Variants in CNPY1 observed in about 807,000 individuals in gnomAD.
CNPY1 encodes the protein canopy FGF signaling regulator 1, also known as protein canopy homolog 1.
In CNPY1, 14 loss-of-function variants were observed where a neutral mutation model predicts 14.4. The ratio of observed to expected loss-of-function variants is 0.97; its 90% CI spans 0.64 to 1.52. CNPY1 has a LOEUF of 1.52. Ranked by LOEUF, CNPY1 falls within the 40% of genes most tolerant of loss-of-function variation. The pLI, the probability that CNPY1 is intolerant of heterozygous loss-of-function variation, is 0.00. For synonymous variants in CNPY1, 43 were observed against 46.5 expected (o/e 0.92, Z 0.31); for missense variants, 129 against 131.5 (o/e 0.98, Z 0.09).
intron 2 of CNPY1, among the ~76,000 whole-genome samples, chr7:155,529,954 T>C (rs1052431018): frequency 6.6e-6 from 1 of 152,010 alleles, no homozygotes; most frequent in Non-Finnish European, 1.5e-5. Flanking sequence ...AGCTAATTTA[T>C]TGTATTTTTA....
chr7:155,510,883 C>T (rs1027112442), intron 2 of CNPY1, among the ~76,000 whole-genome samples: 1 of 152,160 alleles, frequency 6.6e-6, no homozygotes, highest in Non-Finnish European at 1.5e-5. Flanking sequence ...CTATAAAATG[C>T]AGAGGCAGAT....
chr7:155,532,251 T>G (rs1047695113), intron 2 of CNPY1, among the ~76,000 whole-genome samples: 3 of 152,234 alleles, frequency 2.0e-5, no homozygotes, highest in Non-Finnish European at 2.9e-5. Context: ...TGTGTGTCCC[T>G]GCAGGCTCTG....
intron 2 of CNPY1, among the ~76,000 whole-genome samples, chr7:155,527,216 T>C (rs1047853712): frequency 6.6e-6 from 1 of 151,394 alleles, no homozygotes; most frequent in Non-Finnish European, 1.5e-5. Context: ...CATGCCCAGC[T>C]AATTTTTGTA....
At chr7:155,512,410 A>G (rs1796547061) in intron 2 of CNPY1, among the ~76,000 whole-genome samples, 1 of 152,176 alleles carries the variant, frequency 6.6e-6, no homozygotes. Flanking sequence ...TCCTAAATGC[A>G]GTGCCTATTT....
chr7:155,511,454 C>T (rs978593583), intron 2 of CNPY1, among the ~76,000 whole-genome samples: 3 of 152,190 alleles, frequency 2.0e-5, no homozygotes, highest in Non-Finnish European at 4.4e-5. Flanking sequence ...TGATTTATTT[C>T]CTAGGTTGCA....
intron 2 of CNPY1, among the ~76,000 whole-genome samples, chr7:155,528,399 C>T (rs4716664): frequency 0.045 from 6,820 of 152,350 alleles, 486 homozygotes; most frequent in African/African-American, 0.15. Flanking sequence ...ACAATGCCAG[C>T]TCTCGGTCAT....
At position 155,524,331 on chromosome 7, in the gene CNPY1, G is replaced by A. The variant is rs569740694; in HGVS notation, c.100-15234C>T. Among the ~76,000 whole-genome samples the A allele has an allele frequency of 2.0e-5, 3 of 152,320 alleles. No homozygotes were observed. The East Asian group carries it at 5.8e-4, about 29-fold the overall frequency. On this transcript the variant is annotated intron_variant, in intron 2 of 4. Transcript: ENST00000636446. ...AAGAAGAACTTTCCTGTAAGGCAGGGGTCCTCAACCCCCAGGCCTTGGACC... is the reference window on the plus strand; with the variant it reads ...AAGAAGAACTTTCCTGTAAGGCAGGAGTCCTCAACCCCCAGGCCTTGGACC...
intron 2 of CNPY1, 132 bp from the exon 3 acceptor site, chr7:155,509,229 A>C (rs1055694318): frequency 3.6e-6 from 2 of 558,258 alleles, no homozygotes; most frequent in Non-Finnish European, 6.2e-6. Flanking sequence ...GCACGGGCCC[A>C]GAAGACGGTA....
intron 4 of CNPY1, among the ~76,000 whole-genome samples, chr7:155,505,679 A>C (rs1411142613): frequency 3.3e-5 from 5 of 152,246 alleles, no homozygotes; most frequent in South Asian, 2.1e-4. Context: ...TTTATGAGGA[A>C]AAAATAGGGA....
intron 2 of CNPY1, among the ~76,000 whole-genome samples, chr7:155,540,064 T>C (rs1693962975): frequency 6.6e-6 from 1 of 152,176 alleles, no homozygotes; most frequent in South Asian, 2.1e-4. Context: ...TTTAGGCTTT[T>C]CTCTCCTCTG....
intron 2 of CNPY1, among the ~76,000 whole-genome samples, chr7:155,510,002 C>G (rs571797945): frequency 6.6e-6 from 1 of 152,160 alleles, no homozygotes; most frequent in African/African-American, 2.4e-5. Context: ...CGGACCGCGC[C>G]GCAGCCCGGG....
rs1399459085 is a variant in CNPY1 at position 155,501,383 on chromosome 7, T to A, written c.*1685A>T. 1 of 152,188 alleles carries A rather than the reference T, an allele frequency of 6.6e-6. No homozygotes were observed. The highest frequency in any genetic ancestry group is 1.5e-5 in the Non-Finnish European group (1 of 68,020). The allele number at this position is 152,188 out of a possible 1,614,324, so 9.4% of individuals were successfully genotyped here. On this transcript the variant is annotated 3_prime_UTR_variant, in exon 5 of 5. Transcript: ENST00000636446. ...TTAGCATTGCCTACATTTGAGAATG[T>A]TTGATGATGATCAAAGAGAGTATGG...
intron 2 of CNPY1, among the ~76,000 whole-genome samples, chr7:155,516,246 G>A (rs1022895057): frequency 1.3e-5 from 2 of 152,234 alleles, no homozygotes; most frequent in East Asian, 3.8e-4. Flanking sequence ...TTCAGGAGGG[G>A]TATTCCCAAG....
At chr7:155,542,565 T>C (rs1797096441) in intron 2 of CNPY1, among the ~76,000 whole-genome samples, 1 of 152,110 alleles carries the variant, frequency 6.6e-6, no homozygotes, top group African/African-American at 2.4e-5. Flanking sequence ...TGAGCCACAA[T>C]GCTGCTAGTG....
At chr7:155,503,214 AC>A (rs1470675829) in intron 4 of CNPY1, 109 bp from the exon 5 acceptor site, 4 of 918,818 alleles carry the variant, frequency 4.4e-6, no homozygotes, top group Non-Finnish European at 6.5e-6. Context: ...TATTTTAAAA[AC>A]TTTTATTATG....
At chr7:155,530,839 G>A (rs1796925423) in intron 2 of CNPY1, among the ~76,000 whole-genome samples, 1 of 152,192 alleles carries the variant, frequency 6.6e-6, no homozygotes, top group African/African-American at 2.4e-5. Flanking sequence ...TCCACCCACT[G>A]CATACCAGGA....
At chr7:155,533,156 A>G (rs935167361) in intron 2 of CNPY1, among the ~76,000 whole-genome samples, 2 of 152,342 alleles carry the variant, frequency 1.3e-5, no homozygotes, top group Non-Finnish European at 2.9e-5. Context: ...CACACCACAC[A>G]GGCAGCCGCA....
chr7:155,524,357 A>G (rs1371454133), intron 2 of CNPY1, among the ~76,000 whole-genome samples: 1 of 152,270 alleles, frequency 6.6e-6, no homozygotes, highest in South Asian at 2.1e-4. Context: ...GCCTTGGACC[A>G]GTACCAGTCT....
At chr7:155,537,550 A>G (rs1797038207) in intron 2 of CNPY1, among the ~76,000 whole-genome samples, 1 of 150,964 alleles carries the variant, frequency 6.6e-6, no homozygotes, top group South Asian at 2.1e-4. Flanking sequence ...CAGCCTCCTG[A>G]GTAGCTGGGG....
Sources: gnomAD v4.1 joint callset for allele counts (sites outside exome capture counted in the v4.1 genomes callset) on GRCh38, gnomAD v4.1.1 for gene constraint, MANE v1.5 for transcripts, NCBI Gene and HGNC (gene_info 2026-07-23, HGNC 2026-07-21) for gene names.